AGBL1: variants seen among roughly 807,000 people sequenced by gnomAD.
The protein encoded by AGBL1 is AGBL carboxypeptidase 1.
Under a neutral mutation model 118.9 loss-of-function variants are expected in AGBL1, and 130 were observed. That is an observed-to-expected ratio of 1.09 (90% confidence interval 0.95 to 1.26). The LOEUF (loss-of-function observed/expected upper bound fraction) is 1.26. Ranked by LOEUF, AGBL1 falls within the 50% of genes most tolerant of loss-of-function variation. AGBL1 has a pLI of 0.00. For synonymous variants in AGBL1, 555 were observed against 478.9 expected, an observed-to-expected ratio of 1.16 and a Z score of -2.08; for missense variants, 1,584 against 1,298.1, an observed-to-expected ratio of 1.22 and a Z score of -3.38.
At chr15:86,693,633 G>A (rs1402503511) in intron 22 of AGBL1, among the ~76,000 whole-genome samples, 2 of 152,036 alleles carry the variant, frequency 1.3e-5, no homozygotes, top group Non-Finnish European at 2.9e-5. Context: ...TGTTGCATTT[G>A]CTTTTTTGGG....
intron 22 of AGBL1, among the ~76,000 whole-genome samples, chr15:86,874,943 C>G (rs2079786172): frequency 6.6e-6 from 1 of 152,068 alleles, no homozygotes; most frequent in African/African-American, 2.4e-5. Flanking sequence ...AACCTCATAA[C>G]TTTTCTGGGC....
At chr15:86,785,901 G>A (rs557730970) in intron 22 of AGBL1, among the ~76,000 whole-genome samples, 1 of 152,124 alleles carries the variant, frequency 6.6e-6, no homozygotes, top group Non-Finnish European at 1.5e-5. Flanking sequence ...CAGGAGAGCT[G>A]GGACTACATC....
At chr15:86,395,299 A>C (rs1360052344) in intron 17 of AGBL1, among the ~76,000 whole-genome samples, 7 of 151,996 alleles carry the variant, frequency 4.6e-5, no homozygotes, top group Non-Finnish European at 1.5e-5. Flanking sequence ...CTTTTGCGCC[A>C]CTGGTTTTGG....
chr15:86,319,588 T>C (rs910892780), intron 17 of AGBL1, among the ~76,000 whole-genome samples: 8 of 152,198 alleles, frequency 5.3e-5, no homozygotes, highest in Non-Finnish European at 8.8e-5. Flanking sequence ...CATGTTTTTA[T>C]AGACGTGGGT....
chr15:86,569,425 AGAG>A (rs1195826076), intron 21 of AGBL1, among the ~76,000 whole-genome samples: 1 of 147,134 alleles, frequency 6.8e-6, no homozygotes. Flanking sequence ...AAAAAAAAAA[AGAG>A]AGAAATCCGG....
At chr15:86,256,661 T>C (rs2078899998) in intron 7 of AGBL1, among the ~76,000 whole-genome samples, 192 bp from the exon 8 acceptor site, 1 of 152,232 alleles carries the variant, frequency 6.6e-6, no homozygotes, top group South Asian at 2.1e-4. Context: ...TAGACAAAAT[T>C]CTATGTTGGA....
chr15:86,357,667 T>G (rs1185288939), intron 17 of AGBL1, among the ~76,000 whole-genome samples: 1 of 152,154 alleles, frequency 6.6e-6, no homozygotes, highest in African/African-American at 2.4e-5. Flanking sequence ...CTTTCTAATA[T>G]CTTCTCCAGG....
chr15:86,124,564 T>TG (rs1002216370), intron 1 of AGBL1, among the ~76,000 whole-genome samples: 8 of 150,760 alleles, frequency 5.3e-5, no homozygotes, highest in Non-Finnish European at 1.2e-4. Context: ...ATTTTAAAGA[T>TG]TTTTTCTCTC....
At chr15:86,130,858 T>G (rs1349006101) in intron 1 of AGBL1, among the ~76,000 whole-genome samples, 1 of 152,200 alleles carries the variant, frequency 6.6e-6, no homozygotes, top group East Asian at 1.9e-4. Flanking sequence ...AAATAAGTCA[T>G]CAGGGCAGTT....
chr15:86,464,031 C>T (rs2082365798), intron 18 of AGBL1, among the ~76,000 whole-genome samples: 1 of 152,124 alleles, frequency 6.6e-6, no homozygotes, highest in South Asian at 2.1e-4. Context: ...TTACTTGTGG[C>T]AGTATGGCCA....
intron 22 of AGBL1, among the ~76,000 whole-genome samples, chr15:86,906,643 G>A (rs55732743): frequency 0.048 from 7,373 of 152,194 alleles, 182 homozygotes; most frequent in African/African-American, 0.052. Flanking sequence ...AAATGACATG[G>A]CATTCTCAGA....
chr15:86,406,200 G>A (rs1383352676), intron 18 of AGBL1, among the ~76,000 whole-genome samples: 1 of 152,206 alleles, frequency 6.6e-6, no homozygotes, highest in Non-Finnish European at 1.5e-5. Flanking sequence ...CAGAAAGAGT[G>A]TGTTTCTTTC....
At chr15:86,481,598 C>G (rs2082652418) in intron 18 of AGBL1, among the ~76,000 whole-genome samples, 1 of 152,086 alleles carries the variant, frequency 6.6e-6, no homozygotes, top group African/African-American at 2.4e-5. Context: ...ATTTTACTTG[C>G]TTCCAGTTTT....
At chr15:86,952,006 G>A (rs1211920454) in intron 23 of AGBL1, among the ~76,000 whole-genome samples, 1 of 152,132 alleles carries the variant, frequency 6.6e-6, no homozygotes, top group South Asian at 2.1e-4. Context: ...GCTGAGGCGG[G>A]TGGATCACAA....
At chr15:86,595,513 A>G (rs377125923) in intron 21 of AGBL1, among the ~76,000 whole-genome samples, 1 of 152,124 alleles carries the variant, frequency 6.6e-6, no homozygotes, top group Non-Finnish European at 1.5e-5. Context: ...TTACATTTCT[A>G]GTAAATCAAA....
intron 1 of AGBL1, among the ~76,000 whole-genome samples, chr15:86,098,339 G>T (rs540050625): frequency 3.0e-4 from 45 of 152,048 alleles, no homozygotes; most frequent in African/African-American, 1.1e-3. Context: ...ATCTATTTCT[G>T]GTTTTGTTGC....
chr15:86,586,825 A>T (rs546144897), intron 21 of AGBL1, among the ~76,000 whole-genome samples: 1 of 152,244 alleles, frequency 6.6e-6, no homozygotes, highest in East Asian at 1.9e-4. Flanking sequence ...TTGTTTAAAA[A>T]CTTGGGGTCA....
At chr15:86,216,107 G>A (rs577525882) in intron 5 of AGBL1, among the ~76,000 whole-genome samples, 1 of 152,218 alleles carries the variant, frequency 6.6e-6, no homozygotes, top group Admixed American at 6.5e-5. Flanking sequence ...TGTTATCATG[G>A]CCACCTTGCA....
intron 1 of AGBL1, among the ~76,000 whole-genome samples, chr15:86,129,154 C>G (rs1356916087): frequency 6.6e-6 from 1 of 152,182 alleles, no homozygotes; most frequent in Non-Finnish European, 1.5e-5. Flanking sequence ...CATTCTAGAT[C>G]AAAGCCACAC....
Sources: gnomAD v4.1 joint callset for allele counts (sites outside exome capture counted in the v4.1 genomes callset) on GRCh38, gnomAD v4.1.1 for gene constraint, MANE v1.5 for transcripts, NCBI Gene and HGNC (gene_info 2026-07-23, HGNC 2026-07-21) for gene names.